Variants in ATF7IP observed in about 807,000 individuals in gnomAD.
ATF7IP encodes activating transcription factor 7-interacting protein 1.
ATF7IP carries 23 observed loss-of-function variants against 106.4 expected under a neutral mutation model. The ratio of observed to expected loss-of-function variants is 0.22; its 90% CI spans 0.16 to 0.31. The LOEUF is 0.31. Among genes scored for constraint, ATF7IP ranks in the 10% least tolerant of loss-of-function variants. ATF7IP has a pLI of 1.00. For synonymous variants in ATF7IP, 542 were observed against 539.0 expected, an observed-to-expected ratio of 1.01 and a Z score of -0.08; for missense variants, 1,334 against 1,524.3, an observed-to-expected ratio of 0.88 and a Z score of 2.08.
At chr12:14,381,867 G>GTTTT (rs55929147) in intron 1 of ATF7IP, among the ~76,000 whole-genome samples, 1 of 148,412 alleles carries the variant, frequency 6.7e-6, no homozygotes, top group Non-Finnish European at 1.5e-5. Flanking sequence ...ATTAATTCTA[G>GTTTT]TTTTTTTTTT....
chr12:14,432,756 A>T (rs1026489174), intron 2 of ATF7IP, among the ~76,000 whole-genome samples: 1 of 152,222 alleles, frequency 6.6e-6, no homozygotes, highest in African/African-American at 2.4e-5. Context: ...ATCTTTATAT[A>T]GCATAATATA....
rs144351793 is a variant in ATF7IP, at chr12:14,433,466, C to T, written c.1559-871C>T. Among the ~76,000 whole-genome samples, 1,302 of 152,180 alleles carry T rather than the reference C, an allele frequency of 8.6e-3. 12 individuals carry two copies. The highest frequency in any genetic ancestry group is 0.028 in the African/African-American group (1,150 of 41,510). On this transcript the variant is annotated intron_variant, in intron 2 of 14. Coordinates refer to ENST00000261168, the MANE Select transcript of ATF7IP (RefSeq NM_018179.5). Reference sequence around the variant, plus strand: ...GTTGCAGTGAGCCGAGATTGCGCTACTGTACACTAGCCTGGCGACAGAGTG... The same window carrying T: ...GTTGCAGTGAGCCGAGATTGCGCTATTGTACACTAGCCTGGCGACAGAGTG...
intron 5 of ATF7IP, among the ~76,000 whole-genome samples, chr12:14,438,616 C>T (rs983201287): frequency 6.6e-6 from 1 of 152,130 alleles, no homozygotes; most frequent in Non-Finnish European, 1.5e-5. Flanking sequence ...AGAAACATCA[C>T]CCTGATCTCT....
chr12:14,450,585 AT>A (rs35978001), intron 6 of ATF7IP, among the ~76,000 whole-genome samples: 3,140 of 152,120 alleles, frequency 0.021, 34 homozygotes, highest in Middle Eastern at 0.031. Context: ...GAGGATTTTT[AT>A]ATCAGTATTC....
chr12:14,386,135 AAT>A (rs979799539), intron 1 of ATF7IP, among the ~76,000 whole-genome samples: 11 of 152,166 alleles, frequency 7.2e-5, no homozygotes, highest in Non-Finnish European at 1.5e-4. Flanking sequence ...GTACTCAGTT[AAT>A]TAAGTTATAT....
At chr12:14,445,166 T>G (rs1471551766) in intron 5 of ATF7IP, among the ~76,000 whole-genome samples, 1 of 151,826 alleles carries the variant, frequency 6.6e-6, no homozygotes, top group Non-Finnish European at 1.5e-5. Flanking sequence ...AATTTTTGTA[T>G]TTTTAGTAGA....
At chr12:14,372,595 C>T (rs1420535619) in intron 1 of ATF7IP, among the ~76,000 whole-genome samples, 1 of 151,988 alleles carries the variant, frequency 6.6e-6, no homozygotes, top group Non-Finnish European at 1.5e-5. Context: ...GAAATATGCA[C>T]TTATTCATGT....
At chr12:14,440,001 C>T (rs1279303660) in intron 5 of ATF7IP, among the ~76,000 whole-genome samples, 1 of 152,170 alleles carries the variant, frequency 6.6e-6, no homozygotes, top group African/African-American at 2.4e-5. Context: ...ATCTTTCTAA[C>T]ACCAAGCCAA....
intron 9 of ATF7IP, chr12:14,466,313 G>GT: frequency 5.4e-5 from 24 of 441,288 alleles, no homozygotes; most frequent in Middle Eastern, 6.0e-4. Context: ...CCAGTGGAAA[G>GT]TTTTTTTTAA....
chr12:14,436,222 A>G lies in ATF7IP; in HGVS notation c.1762A>G (p.Lys588Glu). 1 of 1,613,518 alleles carries G rather than the reference A, an allele frequency of 6.2e-7. No individual in the cohort carries two copies. Among genetic ancestry groups the G allele is most frequent in the Non-Finnish European group, 8.5e-7 (1 of 1,179,688 alleles). Reference protein sequence around the residue: ...EAEFQVKITAKGDINQKLQKV... With the variant: ...EAEFQVKITAEGDINQKLQKV... ...AGAATTTCAAGTAAAGATTACAGCC[A>G]AAGGAGACATTAACCAGAAACTTCA... Residue 588 changes from lysine (K) to glutamate (E), a missense_variant, in exon 4 of 15, where the codon AAA becomes GAA. Coordinates refer to ENST00000261168, the MANE Select transcript of ATF7IP (RefSeq NM_018179.5).
Position 14,424,745 on chromosome 12 carries a change from A to G in ATF7IP, c.830A>G (p.Asp277Gly), listed in dbSNP as rs746203286. ...CTGGCCACTGGTGAACTGGCCTCTG[A>G]TGAGCTGACTTCTGAATCAACCTTT... ...DDLATGELAS[D>G]ELTSESTFDR... Residue 277 changes from aspartate to glycine, a missense_variant, in exon 2 of 15, where the codon GAT becomes GGT. Asp to Gly is a moderately conservative substitution (Grantham distance 94). Around this residue, in one of 10 missense-constraint regions of ATF7IP, gnomAD observed 438 missense variants for 405.3 expected, o/e 1.08. Coordinates refer to ENST00000261168, the MANE Select transcript of ATF7IP (RefSeq NM_018179.5). 1.2e-6 allele frequency: 2 copies of G among 1,614,178 alleles called. No homozygotes were observed. Among genetic ancestry groups the G allele is most frequent in the South Asian group, 2.2e-5 (2 of 91,086 alleles).
Position 14,475,950 on chromosome 12 carries a change from G to C in ATF7IP, c.2923G>C (p.Glu975Gln). 1 of 1,613,774 alleles carries C rather than the reference G, an allele frequency of 6.2e-7. No individual in the cohort carries two copies. The highest frequency in any genetic ancestry group is 8.5e-7 in the Non-Finnish European group (1 of 1,179,712). Residue 975 changes from glutamate (E) to glutamine (Q), a missense_variant, in exon 11 of 15, where the codon GAG (glutamate) becomes CAG (glutamine). Coordinates refer to ENST00000261168, the MANE Select transcript of ATF7IP (RefSeq NM_018179.5). The part of the protein sequence containing the change: ...GVIDLTMDDE[E>Q]SGASQDPKKL... ...CATTGATCTCACAATGGATGATGAA[G>C]AGAGTGGAGCTTCACAAGGTACTTC...
In ATF7IP at chr12:14,460,496, A is replaced by C; in HGVS notation, c.2160A>C (p.Val720=). 6.2e-7 allele frequency: 1 copy of C among 1,611,954 alleles called. No homozygotes were observed. Among genetic ancestry groups the C allele is most frequent in the Non-Finnish European group, 8.5e-7 (1 of 1,178,622 alleles). ...GAGGCTTCTGTTTTCTTTCTATAGTATCTTCAACCAATCTTGTCACTCCTC... is the reference window on the plus strand; with the variant it reads ...GAGGCTTCTGTTTTCTTTCTATAGTCTCTTCAACCAATCTTGTCACTCCTC... ...PPSFQTPVNT[V]SSTNLVTPPA... Residue 720 remains valine, a splice_region_variant and synonymous_variant, in exon 9 of 15, where the codon GTA becomes GTC. Transcript: ENST00000261168.
intron 1 of ATF7IP, among the ~76,000 whole-genome samples, chr12:14,417,127 T>C (rs1423954910): frequency 6.6e-6 from 1 of 152,200 alleles, no homozygotes; most frequent in Non-Finnish European, 1.5e-5. Context: ...TGGTGTAATA[T>C]AATAAAAATG....
intron 3 of ATF7IP, among the ~76,000 whole-genome samples, chr12:14,435,207 G>C (rs999640297): frequency 4.6e-5 from 7 of 152,040 alleles, no homozygotes; most frequent in Admixed American, 1.3e-4. Flanking sequence ...GGAAATGATG[G>C]ACTGAGTGTC....
intron 10 of ATF7IP, among the ~76,000 whole-genome samples, chr12:14,468,351 A>G (rs1328029283): frequency 2.6e-5 from 4 of 151,540 alleles, no homozygotes; most frequent in Non-Finnish European, 4.4e-5. Flanking sequence ...ATAATATAAG[A>G]CACTTGAGGT....
intron 2 of ATF7IP, among the ~76,000 whole-genome samples, chr12:14,426,213 T>C (rs1941840476): frequency 6.6e-6 from 1 of 152,210 alleles, no homozygotes; most frequent in South Asian, 2.1e-4. Context: ...TTTTATTTTA[T>C]TTATTATTCC....
At chr12:14,478,268 T>G in intron 11 of ATF7IP, 49 bp from the exon 12 acceptor site, 1 of 1,586,872 alleles carries the variant, frequency 6.3e-7, no homozygotes, top group Non-Finnish European at 8.6e-7. Flanking sequence ...AGACTTGTAT[T>G]TCCTGATTTT....
At chr12:14,423,665 C>A in intron 1 of ATF7IP, 16 of 174,376 alleles carry the variant, frequency 9.2e-5, no homozygotes, top group East Asian at 1.5e-4. Context: ...GAAAAAAAAA[C>A]TTGTCCCTTT....
Sources: gnomAD v4.1 joint callset for allele counts (sites outside exome capture counted in the v4.1 genomes callset) on GRCh38, gnomAD v4.1.1 for gene constraint, gnomAD v4.1.1 regional missense constraint, MANE v1.5 for transcripts, NCBI Gene and HGNC (gene_info 2026-07-23, HGNC 2026-07-21) for gene names.